The following MIPOL1 variants were observed in gnomAD, a reference collection of about 807,000 sequenced individuals.
MIPOL1 encodes mirror-image polydactyly 1, also known as mirror-image polydactyly gene 1 protein.
In MIPOL1, 57 loss-of-function variants were observed where a neutral mutation model predicts 60.9. The observed-to-expected ratio is 0.94, with a 90% confidence interval of 0.76 to 1.17. The LOEUF is 1.17. Ranked by LOEUF, MIPOL1 falls within the 50% of genes most tolerant of loss-of-function variation. The probability of loss-of-function intolerance (pLI) is 0.00; values close to 1 mark genes in which losing one functional copy is unlikely to be tolerated. For missense variants in MIPOL1, 551 were observed against 511.6 expected (o/e 1.08, Z -0.74); for synonymous variants, 179 against 168.8 (o/e 1.06, Z -0.47).
chr14:37,296,407 GA>G (rs752115223), intron 7 of MIPOL1, among the ~76,000 whole-genome samples: 5 of 152,078 alleles, frequency 3.3e-5, no homozygotes, highest in Non-Finnish European at 5.9e-5. Flanking sequence ...AGAGAAGCAA[GA>G]GCAAACACAT....
intron 6 of MIPOL1, among the ~76,000 whole-genome samples, chr14:37,271,670 C>G (rs901093227): frequency 6.6e-6 from 1 of 151,584 alleles, no homozygotes; most frequent in African/African-American, 2.4e-5. Context: ...TAAAAATAAG[C>G]ATTTCAAATA....
At chr14:37,426,210 A>G (rs958589489) in intron 11 of MIPOL1, among the ~76,000 whole-genome samples, 1 of 152,060 alleles carries the variant, frequency 6.6e-6, no homozygotes, top group African/African-American at 2.4e-5. Context: ...CCAAATTGTG[A>G]TCAGAGACAG....
chr14:37,297,855 A>C (rs2085916034), intron 7 of MIPOL1, among the ~76,000 whole-genome samples: 1 of 152,158 alleles, frequency 6.6e-6, no homozygotes. Flanking sequence ...AGGAAGAATC[A>C]ATATCATGAA....
At chr14:37,442,861 T>A (rs2094272442) in intron 11 of MIPOL1, among the ~76,000 whole-genome samples, 1 of 152,100 alleles carries the variant, frequency 6.6e-6, no homozygotes, top group African/African-American at 2.4e-5. Context: ...GAAAAACATC[T>A]GTGTTCATGG....
At chr14:37,430,516 A>G (rs933944826) in intron 11 of MIPOL1, among the ~76,000 whole-genome samples, 2 of 101,324 alleles carry the variant, frequency 2.0e-5, no homozygotes, top group Admixed American at 9.6e-5. Flanking sequence ...TTTTTTTAAA[A>G]AAAAGTATAC....
intron 5 of MIPOL1, among the ~76,000 whole-genome samples, chr14:37,269,908 A>G (rs979265806): frequency 3.9e-5 from 6 of 151,990 alleles, no homozygotes; most frequent in African/African-American, 7.3e-5. Flanking sequence ...GCCCACTGCA[A>G]TCTCCGCCTC....
chr14:37,292,474 T>G (rs1211470031), intron 7 of MIPOL1, among the ~76,000 whole-genome samples: 1 of 138,374 alleles, frequency 7.2e-6, no homozygotes, highest in African/African-American at 2.7e-5. Flanking sequence ...ACTTTTTTTT[T>G]TTTTTTTTTT....
intron 9 of MIPOL1, among the ~76,000 whole-genome samples, chr14:37,332,095 G>A (rs1444099986): frequency 6.6e-6 from 1 of 151,928 alleles, no homozygotes; most frequent in Non-Finnish European, 1.5e-5. Context: ...CCGAGATCGT[G>A]CCATTGCACC....
At chr14:37,363,131 T>C (rs1203675566) in intron 9 of MIPOL1, among the ~76,000 whole-genome samples, 1 of 152,194 alleles carries the variant, frequency 6.6e-6, no homozygotes, top group East Asian at 1.9e-4. Flanking sequence ...AAAGTCATTC[T>C]GCATCTAGCT....
chr14:37,526,302 T>C (rs2095445976), intron 12 of MIPOL1, among the ~76,000 whole-genome samples: 1 of 151,716 alleles, frequency 6.6e-6, no homozygotes, highest in Admixed American at 6.6e-5. Context: ...ATGCTGTGTT[T>C]AGAATTATTG....
At chr14:37,199,557 C>A (rs1392457021) in intron 1 of MIPOL1, among the ~76,000 whole-genome samples, 1 of 151,764 alleles carries the variant, frequency 6.6e-6, no homozygotes, top group African/African-American at 2.4e-5. Context: ...TGGAGTCTCG[C>A]TCTGCCGCCA....
intron 7 of MIPOL1, among the ~76,000 whole-genome samples, chr14:37,298,264 C>A (rs1001525230): frequency 6.6e-6 from 1 of 152,176 alleles, no homozygotes; most frequent in Non-Finnish European, 1.5e-5. Context: ...AAAGCTGAAA[C>A]TGGATCCCTT....
intron 12 of MIPOL1, among the ~76,000 whole-genome samples, chr14:37,527,187 T>C (rs902030675): frequency 1.3e-5 from 2 of 152,074 alleles, no homozygotes; most frequent in African/African-American, 2.4e-5. Context: ...ATATGCACTG[T>C]AAGCAGTTTT....
chr14:37,220,314 A>T (rs1457581448), intron 1 of MIPOL1, among the ~76,000 whole-genome samples: 1 of 152,228 alleles, frequency 6.6e-6, no homozygotes, highest in African/African-American at 2.4e-5. Context: ...CTAAAAAAAA[A>T]TTTAAACATC....
At chr14:37,298,433 A>G (rs1386667152) in intron 7 of MIPOL1, among the ~76,000 whole-genome samples, 1 of 152,232 alleles carries the variant, frequency 6.6e-6, no homozygotes, top group African/African-American at 2.4e-5. Flanking sequence ...ATGGCAACAA[A>G]AGCCAAAATT....
At chr14:37,226,123 C>T (rs1351111337) in intron 1 of MIPOL1, among the ~76,000 whole-genome samples, 1 of 152,184 alleles carries the variant, frequency 6.6e-6, no homozygotes, top group Non-Finnish European at 1.5e-5. Flanking sequence ...CAACAAGTCT[C>T]TAGGAAGCTC....
chr14:37,437,196 T>C (rs1050565877), intron 11 of MIPOL1, among the ~76,000 whole-genome samples: 7 of 152,132 alleles, frequency 4.6e-5, no homozygotes, highest in Admixed American at 4.6e-4. Flanking sequence ...CCCAAAAATA[T>C]CTTCTAAAAC....
chr14:37,339,518 T>G (rs1281064728), intron 9 of MIPOL1, among the ~76,000 whole-genome samples: 1 of 152,196 alleles, frequency 6.6e-6, no homozygotes, highest in Non-Finnish European at 1.5e-5. Flanking sequence ...TTGTAGGAGC[T>G]GATTTATAAT....
At chr14:37,460,233 T>C (rs75393302) in intron 11 of MIPOL1, among the ~76,000 whole-genome samples, 1 of 152,032 alleles carries the variant, frequency 6.6e-6, no homozygotes, top group East Asian at 1.9e-4. Context: ...CAAATGTAAT[T>C]CACTACATAA....
Sources: gnomAD v4.1 joint callset for allele counts (sites outside exome capture counted in the v4.1 genomes callset) on GRCh38, gnomAD v4.1.1 for gene constraint, MANE v1.5 for transcripts, NCBI Gene and HGNC (gene_info 2026-07-23, HGNC 2026-07-21) for gene names.